Variants in SLC16A6 observed in about 807,000 individuals in gnomAD.
SLC16A6 encodes solute carrier family 16 member 6, also known as monocarboxylate transporter 7.
A neutral mutation model predicts 33.8 loss-of-function variants in SLC16A6; 15 were observed. The ratio of observed to expected loss-of-function variants is 0.44; its 90% confidence interval spans 0.30 to 0.68. The LOEUF (loss-of-function observed/expected upper bound fraction) is 0.68. Ranked by LOEUF, SLC16A6 falls within the 30% of genes least tolerant of loss-of-function variation. The pLI is 0.10. For synonymous variants in SLC16A6, 219 were observed against 248.4 expected (o/e 0.88, Z 1.11); for missense variants, 451 against 661.5 (o/e 0.68, Z 3.49).
intron 5 of SLC16A6, 127 bp downstream of exon 5, chr17:68,270,712 C>T: frequency 1.3e-6 from 1 of 797,374 alleles, no homozygotes; most frequent in Non-Finnish European, 2.0e-6. Context: ...ATCTCTAATC[C>T]CTGGCAGCTC....
chr17:68,271,617 G>GT lies in SLC16A6; in HGVS notation c.542dup (p.Tyr181Ter). 1 of 1,613,834 alleles carries GT rather than the reference G, an allele frequency of 6.2e-7. No homozygotes were observed. Among genetic ancestry groups the GT allele is most frequent in the Non-Finnish European group, 8.5e-7 (1 of 1,179,678 alleles). ...MALKERIGWRYSLLFVGLLQL... is the reference protein window; with the variant it reads ...MALKERIGWR ...GTAGTAGGCCCACGAAGAGGAGGCT[G>GT]TATCTCCAGCCAATGCGCTCCTTCA... is the stretch of plus-strand genomic sequence containing the variant. Residue 181 changes from tyrosine to a stop codon, truncating the protein, a stop_gained and frameshift_variant, in exon 5 of 6, where the codon TAC becomes TAAC. Transcript: ENST00000580666. LOFTEE classifies it high-confidence loss of function. This position sits in a 1 kb window ranked among gnomAD's most constrained non-coding sequence, Gnocchi z 5.3.
chr17:68,287,318 T>C (rs1376471705), intron 1 of SLC16A6, among the ~76,000 whole-genome samples: 2 of 151,410 alleles, frequency 1.3e-5, no homozygotes, highest in African/African-American at 4.9e-5. Context: ...TGCCCAGCCT[T>C]CTTCTTCTTC....
At position 68,267,930 on chromosome 17, in the gene SLC16A6, G is replaced by T. The variant is rs1251805769; in HGVS notation, c.*1166C>A. The T allele has an allele frequency of 6.6e-6, 1 of 152,140 alleles. No homozygotes were observed. Among genetic ancestry groups the T allele is most frequent in the Non-Finnish European group, 1.5e-5 (1 of 68,018 alleles). The allele number at this position is 152,140 out of a possible 1,614,324, so 9.4% of individuals were successfully genotyped here. A position where few individuals can be genotyped will look rare whatever the true frequency, so the allele number is the denominator to read the frequency against. The stretch of plus-strand genomic sequence containing the variant: ...ACAGAAATGCTTCAATAATTAGATG[G>T]TTTTTTCTTTAAATCAGAAATGCTT... On this transcript the variant is annotated 3_prime_UTR_variant, in exon 6 of 6. Transcript: ENST00000580666.
intron 2 of SLC16A6, among the ~76,000 whole-genome samples, chr17:68,276,006 C>A (rs2075504963): frequency 6.7e-6 from 1 of 150,192 alleles, no homozygotes; most frequent in African/African-American, 2.4e-5. Context: ...ATTAAGTTAT[C>A]TTGATACTCA....
intron 2 of SLC16A6, among the ~76,000 whole-genome samples, chr17:68,275,858 C>T (rs999638037): frequency 6.6e-6 from 1 of 151,690 alleles, no homozygotes; most frequent in Non-Finnish European, 1.5e-5. Context: ...TGGCAGGTGC[C>T]TGTAATCCCA....
rs782121485 is a variant in SLC16A6 at position 68,269,136 on chromosome 17, T to G, written c.1532A>C (p.Lys511Thr). ...PEDFLEMDLA[K>T]NEHRVHVQME... ...TTGCACGTGAACTCTGTGCTCATTT[T>G]TTGCAAGATCCATTTCCAGAAAGTC... Residue 511 changes from lysine (K) to threonine (T), a missense_variant, in exon 6 of 6, where the codon AAA becomes ACA. Transcript: ENST00000580666. 2.0e-6 allele frequency: 3 copies of G among 1,516,928 alleles called. No homozygotes were observed. The African/African-American group carries it at 4.3e-5, about 22-fold the overall frequency. The allele number at this position is 1,516,928 out of a possible 1,614,324, so 94.0% of individuals were successfully genotyped here. A position where few individuals can be genotyped will look rare whatever the true frequency, so the allele number is the denominator to read the frequency against.
chr17:68,273,669 G>A (rs1338846085), intron 3 of SLC16A6, among the ~76,000 whole-genome samples: 3 of 152,096 alleles, frequency 2.0e-5, no homozygotes, highest in Non-Finnish European at 2.9e-5. Context: ...CTATCTTTTG[G>A]CTGCAAATAC....
In SLC16A6 at chr17:68,268,620, T is replaced by G. The variant is rs1268192344; in HGVS notation, c.*476A>C. 1 of 152,404 alleles carries G rather than the reference T, an allele frequency of 6.6e-6. No individual in the cohort carries two copies. Among genetic ancestry groups the G allele is most frequent in the Non-Finnish European group, 1.5e-5 (1 of 68,268 alleles). 9.4% of individuals were successfully genotyped at this position (152,404 alleles called of 1,614,324 possible). On this transcript the variant is annotated 3_prime_UTR_variant, in exon 6 of 6. Coordinates refer to ENST00000580666, the MANE Select transcript of SLC16A6 (RefSeq NM_004694.5). ...AAAAATGATTGAAGTCTTTTTTTTT[T>G]TGACTGGCCAATTTCATTTCAATGA...
intron 1 of SLC16A6, among the ~76,000 whole-genome samples, chr17:68,283,399 T>C (rs1266665463): frequency 6.6e-6 from 1 of 151,858 alleles, no homozygotes; most frequent in Non-Finnish European, 1.5e-5. Context: ...CGGGCGCCTG[T>C]AGTCCCAGCT....
At chr17:68,277,121 A>G (rs887348249) in intron 2 of SLC16A6, among the ~76,000 whole-genome samples, 5 of 151,982 alleles carry the variant, frequency 3.3e-5, no homozygotes, top group African/African-American at 1.2e-4. Flanking sequence ...GGGGCCTGGT[A>G]TGTCAGCAAT....
Position 68,268,478 on chromosome 17 carries a change from T to A in SLC16A6, c.*618A>T, listed in dbSNP as rs141253758. 1.3e-5 allele frequency: 2 copies of A among 152,634 alleles called. No homozygotes were observed. The highest frequency in any genetic ancestry group is 1.5e-5 in the Non-Finnish European group (1 of 68,074). 9.5% of individuals were successfully genotyped at this position (152,634 alleles called of 1,614,324 possible). A position where few individuals can be genotyped will look rare whatever the true frequency, so the allele number is the denominator to read the frequency against. On this transcript the variant is annotated 3_prime_UTR_variant, in exon 6 of 6. Transcript: ENST00000580666. ...TTGTTTATTAGTAAAATGTTTGGTC[T>A]TAAACTATATTTCATTTCCAGCAAG...
Position 68,271,211 on chromosome 17 carries a change from G to C in SLC16A6, c.949C>G (p.Pro317Ala), listed in dbSNP as rs1555748554. The change falls in exon 5 of 6, where the codon CCT (proline) becomes GCT (alanine). Residue 317 changes from proline to alanine, a missense_variant. Around this residue, in one of 2 missense-constraint regions of SLC16A6, gnomAD observed 405 missense variants for 510.7 expected, o/e 0.79. Coordinates refer to ENST00000580666, the MANE Select transcript of SLC16A6 (RefSeq NM_004694.5). The surrounding 1 kb of genome is among the most constrained non-coding windows in gnomAD (Gnocchi z 5.3). The stretch of plus-strand genomic sequence containing the variant: ...TCAATGCCCAGACTAATGCCCAGAG[G>C]AATGATGTACAAGGAAGGTGCAAAG... ...GFFAPSLYII[P>A]LGISLGIDQD... is the part of the protein sequence containing the mutation. 21 of 1,613,926 alleles carry C rather than the reference G, an allele frequency of 1.3e-5. No homozygotes were observed. The highest frequency in any genetic ancestry group is 1.6e-5 in the Non-Finnish European group (19 of 1,180,040).
intron 2 of SLC16A6, among the ~76,000 whole-genome samples, chr17:68,275,284 G>A (rs911348305): frequency 6.6e-6 from 1 of 151,940 alleles, no homozygotes; most frequent in Non-Finnish European, 1.5e-5. Context: ...ACGTAAGTGA[G>A]CCATTGAGAG....
rs1429316378 is a variant in SLC16A6 at position 68,268,198 on chromosome 17, C to T, written c.*898G>A. The T allele has an allele frequency of 6.6e-6, 1 of 152,412 alleles. No homozygotes were observed. Among genetic ancestry groups the T allele is most frequent in the Non-Finnish European group, 1.5e-5 (1 of 68,024 alleles). 9.4% of individuals were successfully genotyped at this position (152,412 alleles called of 1,614,324 possible). ...GGATTGCAGAAAGGAGGTAAAAATG[C>T]TGCTTATGTCTCAGATTTTATTTCT... On this transcript the variant is annotated 3_prime_UTR_variant, in exon 6 of 6. Transcript: ENST00000580666.
intron 1 of SLC16A6, chr17:68,282,875 G>C (rs1251287956): frequency 6.0e-5 from 9 of 151,004 alleles, no homozygotes; most frequent in Admixed American, 4.0e-4. Flanking sequence ...TTGAACCCCG[G>C]AGGTGGAGGT....
intron 2 of SLC16A6, among the ~76,000 whole-genome samples, chr17:68,276,043 A>G (rs1336316818): frequency 6.6e-6 from 1 of 152,146 alleles, no homozygotes; most frequent in Non-Finnish European, 1.5e-5. Flanking sequence ...GAATGACTTC[A>G]TGAAACTTGT....
In SLC16A6 at chr17:68,271,213, A is replaced by G; in HGVS notation, c.947T>C (p.Ile316Thr). Reference sequence around the variant, plus strand: ...AATGCCCAGACTAATGCCCAGAGGAATGATGTACAAGGAAGGTGCAAAGAA... The same window carrying G: ...AATGCCCAGACTAATGCCCAGAGGAGTGATGTACAAGGAAGGTGCAAAGAA... Reference protein sequence around the residue: ...LGFFAPSLYIIPLGISLGIDQ... With the variant: ...LGFFAPSLYITPLGISLGIDQ... Residue 316 changes from isoleucine (I) to threonine (T), a missense_variant, in exon 5 of 6, where the codon ATT becomes ACT. Ile to Thr is a moderately conservative substitution (Grantham distance 89, BLOSUM62 -1). Coordinates refer to ENST00000580666, the MANE Select transcript of SLC16A6 (RefSeq NM_004694.5). This position sits in a 1 kb window ranked among gnomAD's most constrained non-coding sequence, Gnocchi z 5.3. 2 of 1,614,110 alleles carry G rather than the reference A, an allele frequency of 1.2e-6. No individual in the cohort carries two copies. Among genetic ancestry groups the G allele is most frequent in the Non-Finnish European group, 1.7e-6 (2 of 1,180,030 alleles).
rs372439239 is a variant in SLC16A6 at position 68,278,249 on chromosome 17, G to A, written c.72C>T (p.Gly24=). The A allele has an allele frequency of 4.3e-6, 7 of 1,614,068 alleles. No homozygotes were observed. In the African/African-American group the frequency reaches 5.3e-5, roughly 12 times the overall value. ...VYTEVPDGGW[G]WAVAVSFFFV... ...AGAAAAATGAAACAGCTACCGCCCA[G>A]CCCCATCCTCCATCAGGCACTTCAG... The change falls in exon 2 of 6, where the codon GGC becomes GGT. Residue 24 remains glycine (G), a synonymous_variant. Transcript: ENST00000580666.
At chr17:68,283,758 A>ATCCCAGCT (rs2145143567) in intron 1 of SLC16A6, among the ~76,000 whole-genome samples, 1 of 149,512 alleles carries the variant, frequency 6.7e-6, no homozygotes, top group Admixed American at 6.7e-5. Context: ...CACGCCTGTA[A>ATCCCAGCT]TCCCAGCTAC....
Sources: allele counts gnomAD v4.1 joint callset (sites outside exome capture counted in the v4.1 genomes callset), GRCh38; gene constraint gnomAD v4.1.1; regional missense constraint gnomAD v4.1.1; non-coding constraint Gnocchi (gnomAD v3.1); transcripts MANE v1.5; gene names NCBI Gene and HGNC (gene_info 2026-07-23, HGNC 2026-07-21).